Variants in PPP1R21 observed in about 807,000 individuals in gnomAD.
The protein encoded by PPP1R21 is protein phosphatase 1 regulatory subunit 21, also known as KLRAQ motif containing 1.
In PPP1R21, 85 loss-of-function variants were observed where a neutral mutation model predicts 112.8. The observed-to-expected ratio is 0.75, with a 90% CI of 0.63 to 0.90. The LOEUF is 0.90. Among genes scored for constraint, PPP1R21 ranks in the 40% least tolerant of loss-of-function variants. PPP1R21 has a pLI of 0.00. For missense variants in PPP1R21, 1,199 were observed against 901.5 expected (o/e 1.33, Z -4.23); for synonymous variants, 381 against 322.3 (o/e 1.18, Z -1.95).
At chr2:48,479,341 A>C (rs561026803) in intron 12 of PPP1R21, 1 of 376,736 alleles carries the variant, frequency 2.7e-6, no homozygotes, top group Admixed American at 3.5e-5. Flanking sequence ...GGAGGGAGGT[A>C]GTGATTCTTG....
At chr2:48,484,704 C>T (rs561559985) in intron 13 of PPP1R21, among the ~76,000 whole-genome samples, 4 of 151,928 alleles carry the variant, frequency 2.6e-5, no homozygotes, top group African/African-American at 7.2e-5. Context: ...TTAGTAGACA[C>T]GGGGTTTTGC....
At chr2:48,460,704 T>C (rs1465199794) in intron 6 of PPP1R21, among the ~76,000 whole-genome samples, 1 of 146,974 alleles carries the variant, frequency 6.8e-6, no homozygotes. Flanking sequence ...GATGTGTACA[T>C]AATTGAACCA....
intron 21 of PPP1R21, 94 bp from the exon 22 acceptor site, chr2:48,514,621 T>G (rs1257697273): frequency 1.4e-5 from 13 of 910,560 alleles, no homozygotes; most frequent in Non-Finnish European, 1.8e-6. Context: ...TGTTCCAAAG[T>G]GAAATATGGC....
At chr2:48,446,758 A>G (rs973438007) in intron 1 of PPP1R21, among the ~76,000 whole-genome samples, 5 of 152,168 alleles carry the variant, frequency 3.3e-5, no homozygotes, top group Non-Finnish European at 7.4e-5. Flanking sequence ...ACAGAAATTT[A>G]TTTATTAATT....
At chr2:48,457,501 TACTC>T (rs1217624852) in intron 3 of PPP1R21, among the ~76,000 whole-genome samples, 6 of 152,186 alleles carry the variant, frequency 3.9e-5, no homozygotes, top group South Asian at 2.1e-4. Context: ...TGAAAACAAA[TACTC>T]ATTATTAGAT....
Position 48,469,509 on chromosome 2 carries a change from C to CAT in PPP1R21, c.898-1552_898-1551dup, listed in dbSNP as rs374280494. ...AGAGCATATATATATATATATAGAG[C>CAT]ATATATATATATATATATATATATA... On this transcript the variant is annotated intron_variant, in intron 9 of 21. Transcript: ENST00000294952. Among the ~76,000 whole-genome samples the CAT allele has an allele frequency of 1.5e-4, 9 of 59,314 alleles. 1 individual carries two copies. Among genetic ancestry groups the CAT allele is most frequent in the African/African-American group, 3.9e-4 (6 of 15,410 alleles). 38.9% of individuals were successfully genotyped at this position (59,314 alleles called of 152,430 possible). A position where few individuals can be genotyped will look rare whatever the true frequency, so the allele number is the denominator to read the frequency against.
chr2:48,514,881 G>A lies in PPP1R21; in HGVS notation c.*137G>A. ...TGGACCTAGTAAACTAGTCAGTGTT[G>A]GAAACGGCCTTGAAATATTTAAAAC... On this transcript the variant is annotated 3_prime_UTR_variant, in exon 22 of 22. Coordinates refer to ENST00000294952, the MANE Select transcript of PPP1R21 (RefSeq NM_001135629.3). 1.3e-6 allele frequency: 1 copy of A among 752,182 alleles called. No individual in the cohort carries two copies. Among genetic ancestry groups the A allele is most frequent in the Non-Finnish European group, 2.2e-6 (1 of 447,882 alleles). The allele number at this position is 752,182 out of a possible 1,614,324, so 46.6% of individuals were successfully genotyped here.
In PPP1R21 at chr2:48,440,824, GGCGGCGGCGGCT is replaced by G; in HGVS notation, c.-125_-114del. On this transcript the variant is annotated 5_prime_UTR_variant, in exon 1 of 22. Transcript: ENST00000294952. ...GTGGAGGAGGAGGCGCGGCGGCGGC[GGCGGCGGCGGCT>G]GCGGTGGCCAAGCAGGCAGATACTG... 1 of 676,676 alleles carries G rather than the reference GGCGGCGGCGGCT, an allele frequency of 1.5e-6. No homozygotes were observed. Among genetic ancestry groups the G allele is most frequent in the Non-Finnish European group, 2.6e-6 (1 of 389,858 alleles). The allele number at this position is 676,676 out of a possible 1,614,324, so 41.9% of individuals were successfully genotyped here.
chr2:48,456,812 G>A (rs1667747957), intron 3 of PPP1R21, among the ~76,000 whole-genome samples: 1 of 152,160 alleles, frequency 6.6e-6, no homozygotes, highest in African/African-American at 2.4e-5. Flanking sequence ...CAGCACTTTG[G>A]GAGGCCGAGG....
intron 3 of PPP1R21, 134 bp downstream of exon 3, chr2:48,454,875 T>A: frequency 2.9e-6 from 2 of 687,466 alleles, no homozygotes; most frequent in Non-Finnish European, 5.1e-6. Context: ...GGTCTTGCTC[T>A]GCCACCCATG....
intron 17 of PPP1R21, among the ~76,000 whole-genome samples, chr2:48,499,346 A>T (rs1410410200): frequency 6.6e-6 from 1 of 152,212 alleles, no homozygotes; most frequent in African/African-American, 2.4e-5. Context: ...ATTTAAGATG[A>T]TTCTGTTTTT....
intron 13 of PPP1R21, among the ~76,000 whole-genome samples, chr2:48,483,134 G>A (rs914239449): frequency 6.7e-6 from 1 of 150,110 alleles, no homozygotes; most frequent in Non-Finnish European, 1.5e-5. Context: ...TTTTATGGCT[G>A]CATAGTGTTC....
chr2:48,441,151 C>T (rs78538011), intron 1 of PPP1R21, 141 bp downstream of exon 1: 49,966 of 669,804 alleles, frequency 0.075, 2,701 homozygotes, highest in South Asian at 0.18. Context: ...TCTCCGTCCA[C>T]CATTACGGTG....
chr2:48,477,859 TCTAA>T (rs775933944), intron 12 of PPP1R21, among the ~76,000 whole-genome samples: 30 of 152,280 alleles, frequency 2.0e-4, no homozygotes, highest in Non-Finnish European at 2.2e-4. Context: ...TATGTGAAAT[TCTAA>T]CTGTCAGTAC....
chr2:48,475,346 G>A (rs1668703606), intron 12 of PPP1R21, among the ~76,000 whole-genome samples: 1 of 151,958 alleles, frequency 6.6e-6, no homozygotes, highest in Non-Finnish European at 1.5e-5. Context: ...AAGCAACACT[G>A]CTTCTGAAAT....
intron 4 of PPP1R21, among the ~76,000 whole-genome samples, chr2:48,458,764 T>C (rs1193587985): frequency 2.0e-5 from 3 of 152,044 alleles, no homozygotes; most frequent in Non-Finnish European, 4.4e-5. Flanking sequence ...TGTTGAAAAG[T>C]TAGTGCCTGC....
intron 12 of PPP1R21, among the ~76,000 whole-genome samples, chr2:48,478,637 G>A (rs1668865375): frequency 6.6e-6 from 1 of 152,184 alleles, no homozygotes; most frequent in Non-Finnish European, 1.5e-5. Context: ...TAGACCTAGT[G>A]TACACCTAGC....
intron 19 of PPP1R21, 64 bp from the exon 20 acceptor site, chr2:48,509,951 C>A (rs1481939307): frequency 3.3e-6 from 4 of 1,225,442 alleles, no homozygotes; most frequent in Non-Finnish European, 4.6e-6. Flanking sequence ...AACAAACTTT[C>A]CCGAAGCAAA....
At chr2:48,458,779 A>C (rs1025985342) in intron 4 of PPP1R21, among the ~76,000 whole-genome samples, 3 of 152,038 alleles carry the variant, frequency 2.0e-5, no homozygotes, top group African/African-American at 7.2e-5. Flanking sequence ...GCCTGCCCCC[A>C]AACCACTGAG....
Sources: gnomAD v4.1 joint callset for allele counts (sites outside exome capture counted in the v4.1 genomes callset) on GRCh38, gnomAD v4.1.1 for gene constraint, MANE v1.5 for transcripts, NCBI Gene and HGNC (gene_info 2026-07-23, HGNC 2026-07-21) for gene names.